The following MRPL48 variants were observed in gnomAD, a reference collection of about 807,000 sequenced individuals.
The protein encoded by MRPL48 is large ribosomal subunit protein mL48.
In MRPL48, 16 loss-of-function variants were observed where a neutral mutation model predicts 32.9. That is an observed-to-expected ratio of 0.49 (90% CI 0.33 to 0.74). MRPL48 has a LOEUF of 0.74. MRPL48 is among the 30% of genes least tolerant of loss of function. The pLI, the probability that MRPL48 is intolerant of heterozygous loss-of-function variation, is 0.02. For synonymous variants in MRPL48, 94 were observed against 89.2 expected (o/e 1.05, Z -0.31); for missense variants, 206 against 245.3 (o/e 0.84, Z 1.07).
intron 5 of MRPL48, among the ~76,000 whole-genome samples, chr11:73,853,385 A>G (rs910310038): frequency 2.0e-5 from 3 of 152,178 alleles, no homozygotes; most frequent in Admixed American, 6.5e-5. Context: ...ATGGACCCAC[A>G]AAAATTAAAC....
rs927713755 is a variant in MRPL48 at position 73,814,387 on chromosome 11, G to A, written c.112+6037G>A. 7.9e-5 allele frequency among the ~76,000 whole-genome samples: 12 copies of A among 151,098 alleles called. 1 individual carries two copies. In the South Asian group the frequency reaches 1.0e-3, roughly 13 times the overall value. The stretch of plus-strand genomic sequence containing the variant: ...AGCCTGGAAGACAGCACGAGATCAT[G>A]TCTCAAAAAGAAAAAAAAAGAGTGA... On this transcript the variant is annotated intron_variant, in intron 3 of 7. Coordinates refer to ENST00000310614, the MANE Select transcript of MRPL48 (RefSeq NM_016055.6).
chr11:73,804,267 T>C (rs1383019413), intron 1 of MRPL48, among the ~76,000 whole-genome samples: 1 of 151,216 alleles, frequency 6.6e-6, no homozygotes, highest in East Asian at 2.0e-4. Context: ...GCATAGCTTT[T>C]GTAGTAAGTC....
At chr11:73,841,528 C>T (rs188469701) in intron 4 of MRPL48, among the ~76,000 whole-genome samples, 13 of 152,202 alleles carry the variant, frequency 8.5e-5, no homozygotes, top group African/African-American at 1.4e-4. Flanking sequence ...TGAAAGAAGA[C>T]GGACACAAAA....
At chr11:73,830,675 C>A (rs757145477) in intron 4 of MRPL48, among the ~76,000 whole-genome samples, 2 of 152,134 alleles carry the variant, frequency 1.3e-5, no homozygotes, top group Non-Finnish European at 2.9e-5. Flanking sequence ...CGAGTAAATT[C>A]TCATGCTCAT....
intron 1 of MRPL48, among the ~76,000 whole-genome samples, chr11:73,795,462 T>C (rs1031420673): frequency 1.3e-5 from 2 of 152,038 alleles, no homozygotes; most frequent in African/African-American, 2.4e-5. Flanking sequence ...AAAAGTTTTC[T>C]TGTGACTCTT....
intron 4 of MRPL48, 84 bp downstream of exon 4, chr11:73,825,880 A>C: frequency 8.6e-7 from 1 of 1,162,666 alleles, no homozygotes; most frequent in South Asian, 1.5e-5. Flanking sequence ...TAGTTTTGAT[A>C]ATATTGGAGC....
intron 1 of MRPL48, among the ~76,000 whole-genome samples, chr11:73,790,880 CTT>C (rs71469471): frequency 4.6e-5 from 4 of 86,410 alleles, no homozygotes; most frequent in South Asian, 4.3e-4. Flanking sequence ...CTTTTCTGTT[CTT>C]TTTTTTTTTT....
chr11:73,794,003 G>A (rs950377396), intron 1 of MRPL48, among the ~76,000 whole-genome samples: 37 of 148,890 alleles, frequency 2.5e-4, no homozygotes, highest in African/African-American at 8.1e-4. Flanking sequence ...CACCACGCCC[G>A]GCCTGAAACC....
intron 1 of MRPL48, among the ~76,000 whole-genome samples, chr11:73,788,427 A>G (rs1489955248): frequency 6.6e-6 from 1 of 151,864 alleles, no homozygotes; most frequent in Non-Finnish European, 1.5e-5. Context: ...GCTACCTGGT[A>G]ATAAGGAAAC....
chr11:73,851,522 ATC>A (rs762207609), intron 5 of MRPL48, among the ~76,000 whole-genome samples: 1 of 152,206 alleles, frequency 6.6e-6, no homozygotes, highest in Non-Finnish European at 1.5e-5. Flanking sequence ...AATGTGCTTT[ATC>A]TCTTTCTGAT....
chr11:73,789,218 T>G (rs1947103806), intron 1 of MRPL48: 1 of 152,222 alleles, frequency 6.6e-6, no homozygotes, highest in African/African-American at 2.4e-5. Context: ...ATGGTCACAC[T>G]GGTGACTACA....
intron 1 of MRPL48, among the ~76,000 whole-genome samples, chr11:73,788,464 TTTTC>T (rs1381649624): frequency 3.4e-5 from 5 of 147,408 alleles, no homozygotes; most frequent in Admixed American, 6.9e-5. Flanking sequence ...GTTTTTGTTC[TTTTC>T]TTTCTTTTTT....
At chr11:73,811,702 G>A (rs1169727994) in intron 3 of MRPL48, among the ~76,000 whole-genome samples, 1 of 152,048 alleles carries the variant, frequency 6.6e-6, no homozygotes, top group Non-Finnish European at 1.5e-5. Context: ...ATATTCTGAG[G>A]AAAGTCTTTT....
Position 73,826,509 on chromosome 11 carries a change from C to T in MRPL48, c.201+713C>T, listed in dbSNP as rs574600696. Among the ~76,000 whole-genome samples, 4 of 150,768 alleles carry T rather than the reference C, an allele frequency of 2.7e-5. No individual in the cohort carries two copies. In the South Asian group the frequency reaches 6.3e-4, roughly 24 times the overall value. ...TGTTAGTTTTTTTGAGATGGAGTCTCGCTCTGTTGCCCAGGCTGGAGTGCA... is the reference window on the plus strand; with the variant it reads ...TGTTAGTTTTTTTGAGATGGAGTCTTGCTCTGTTGCCCAGGCTGGAGTGCA... On this transcript the variant is annotated intron_variant, in intron 4 of 7. Transcript: ENST00000310614.
At chr11:73,856,208 T>C (rs1948479406) in intron 5 of MRPL48, among the ~76,000 whole-genome samples, 1 of 152,240 alleles carries the variant, frequency 6.6e-6, no homozygotes. Context: ...CTGTTTGTTT[T>C]TAGCAACTCA....
intron 4 of MRPL48, among the ~76,000 whole-genome samples, chr11:73,837,840 C>T (rs1378779317): frequency 6.6e-6 from 1 of 152,000 alleles, no homozygotes; most frequent in Non-Finnish European, 1.5e-5. Context: ...ATATCCTTTG[C>T]ACAGATTTAT....
chr11:73,821,862 C>T (rs1428913695), intron 3 of MRPL48, among the ~76,000 whole-genome samples: 3 of 152,166 alleles, frequency 2.0e-5, no homozygotes, highest in Non-Finnish European at 4.4e-5. Flanking sequence ...TATGATTGTG[C>T]AGTATAATGG....
chr11:73,845,776 T>TA (rs1948276814), intron 5 of MRPL48, among the ~76,000 whole-genome samples: 1 of 146,666 alleles, frequency 6.8e-6, no homozygotes, highest in Non-Finnish European at 1.5e-5. Flanking sequence ...TCTCAAAATT[T>TA]AAAAAAACAA....
intron 7 of MRPL48, 114 bp downstream of exon 7, chr11:73,863,375 C>T: frequency 1.1e-6 from 1 of 888,738 alleles, no homozygotes; most frequent in South Asian, 1.7e-5. Context: ...ATAATGTGAC[C>T]TAAATAATAA....
Sources: allele counts gnomAD v4.1 joint callset (sites outside exome capture counted in the v4.1 genomes callset), GRCh38; gene constraint gnomAD v4.1.1; transcripts MANE v1.5; gene names NCBI Gene and HGNC (gene_info 2026-07-23, HGNC 2026-07-21).